Variants in CPEB1 observed in about 807,000 individuals in gnomAD.
CPEB1 encodes the protein cytoplasmic polyadenylation element-binding protein 1.
In CPEB1, 7 loss-of-function variants were observed where a neutral mutation model predicts 65.8. That is an observed-to-expected ratio of 0.11 (90% CI 0.06 to 0.20). CPEB1 has a LOEUF of 0.20. Ranked by LOEUF, CPEB1 falls within the 10% of genes least tolerant of loss-of-function variation. CPEB1 has a pLI of 1.00. For synonymous variants in CPEB1, 262 were observed against 260.0 expected (o/e 1.01, Z -0.08); for missense variants, 551 against 712.2 (o/e 0.77, Z 2.58).
chr15:82,559,381 A>G (rs955916315), intron 4 of CPEB1, among the ~76,000 whole-genome samples: 11 of 152,240 alleles, frequency 7.2e-5, no homozygotes, highest in South Asian at 2.1e-4. Flanking sequence ...AACTGTAGAT[A>G]TATCTATTTA....
intron 6 of CPEB1, among the ~76,000 whole-genome samples, chr15:82,554,554 T>A (rs1236575180): frequency 6.6e-6 from 1 of 152,182 alleles, no homozygotes; most frequent in Non-Finnish European, 1.5e-5. Context: ...GCCAGACTCA[T>A]CTTTATAGCA....
chr15:82,645,439 C>T (rs893723664), intron 1 of CPEB1, among the ~76,000 whole-genome samples: 1 of 152,020 alleles, frequency 6.6e-6, no homozygotes. Flanking sequence ...AGGCGTGAGT[C>T]ATGGGGCCGG....
chr15:82,606,085 G>C (rs919229198), intron 3 of CPEB1, among the ~76,000 whole-genome samples: 4 of 152,128 alleles, frequency 2.6e-5, no homozygotes, highest in African/African-American at 9.7e-5. Flanking sequence ...AAGAGGAGGA[G>C]AAAATAAAGC....
intron 4 of CPEB1, among the ~76,000 whole-genome samples, chr15:82,563,754 C>T (rs140880836): frequency 1.3e-5 from 2 of 151,990 alleles, no homozygotes; most frequent in African/African-American, 4.8e-5. Flanking sequence ...ATAGGAGGTT[C>T]TGGATAAAAA....
intron 3 of CPEB1, among the ~76,000 whole-genome samples, chr15:82,590,217 A>C (rs1451978911): frequency 4.1e-5 from 3 of 73,004 alleles, no homozygotes; most frequent in East Asian, 4.2e-4. Flanking sequence ...GACAAAAAAA[A>C]AAAAAAAAAA....
At chr15:82,595,603 A>G (rs564682881) in intron 3 of CPEB1, among the ~76,000 whole-genome samples, 1 of 152,356 alleles carries the variant, frequency 6.6e-6, no homozygotes, top group South Asian at 2.1e-4. Context: ...ATACTAAAAA[A>G]CAACTTACTG....
intron 3 of CPEB1, among the ~76,000 whole-genome samples, chr15:82,612,236 C>T (rs1268664135): frequency 6.6e-6 from 1 of 151,788 alleles, no homozygotes; most frequent in Non-Finnish European, 1.5e-5. Context: ...GTGGCTCATG[C>T]CTATAATCCC....
intron 10 of CPEB1, among the ~76,000 whole-genome samples, chr15:82,549,117 G>A (rs1391072415): frequency 2.0e-5 from 3 of 152,248 alleles, no homozygotes; most frequent in Non-Finnish European, 2.9e-5. Context: ...CAAGTTCAGA[G>A]AATTGCAGCC....
At chr15:82,586,558 G>C (rs1488821544) in intron 3 of CPEB1, among the ~76,000 whole-genome samples, 13 of 152,156 alleles carry the variant, frequency 8.5e-5, no homozygotes, top group Admixed American at 7.9e-4. Flanking sequence ...AGAACCAAAA[G>C]TTACCTAAGC....
chr15:82,647,869 A>T, upstream of CPEB1: 1 of 1,265,588 alleles, frequency 7.9e-7, no homozygotes, highest in Non-Finnish European at 9.9e-7. Context: ...CGGGAACGCC[A>T]TGGGGCCGGT....
intron 10 of CPEB1, 58 bp downstream of exon 10, chr15:82,549,402 A>G: frequency 1.9e-6 from 3 of 1,584,248 alleles, no homozygotes; most frequent in Non-Finnish European, 2.6e-6. Context: ...AAGTATCACA[A>G]TCTTGGTCTA....
chr15:82,588,793 C>T (rs1281901382), intron 3 of CPEB1, among the ~76,000 whole-genome samples: 4 of 152,116 alleles, frequency 2.6e-5, no homozygotes, highest in African/African-American at 4.8e-5. Context: ...TTTCTTTGTA[C>T]CCTTACCAAA....
chr15:82,647,927 G>C (rs2047717875), upstream of CPEB1: 5 of 1,216,956 alleles, frequency 4.1e-6, no homozygotes, highest in Non-Finnish European at 5.1e-6. Flanking sequence ...GCGGGCGAGA[G>C]ACGCGCACGC....
chr15:82,607,021 AG>A (rs1480221268), intron 3 of CPEB1, among the ~76,000 whole-genome samples: 2 of 152,098 alleles, frequency 1.3e-5, no homozygotes, highest in African/African-American at 4.8e-5. Context: ...TAAAGAGACA[AG>A]GAAATTAAAG....
intron 1 of CPEB1, chr15:82,638,030 T>C (rs536645029): frequency 6.7e-6 from 3 of 447,264 alleles, no homozygotes; most frequent in South Asian, 1.6e-5. Flanking sequence ...TGGTTTAATA[T>C]AAGATAGCGG....
chr15:82,575,861 TTATA>T (rs913318886), intron 3 of CPEB1, among the ~76,000 whole-genome samples: 3 of 152,162 alleles, frequency 2.0e-5, no homozygotes, highest in African/African-American at 7.2e-5. Context: ...ATGAAAACGC[TTATA>T]TATTTTCTTC....
chr15:82,648,295 A>C, upstream of CPEB1: 3 of 163,004 alleles, frequency 1.8e-5, no homozygotes, highest in Non-Finnish European at 2.7e-5. Context: ...ACGATTTACA[A>C]GCCCCTGCGA....
intron 3 of CPEB1, among the ~76,000 whole-genome samples, chr15:82,616,342 A>C (rs2044707002): frequency 6.6e-6 from 1 of 152,160 alleles, no homozygotes; most frequent in African/African-American, 2.4e-5. Flanking sequence ...AGAAGTATAA[A>C]AACACGGATG....
upstream of CPEB1, chr15:82,648,298 C>G (rs763746041): frequency 9.7e-5 from 16 of 165,782 alleles, no homozygotes; most frequent in Non-Finnish European, 1.7e-4. Flanking sequence ...ATTTACAAGC[C>G]CCTGCGAGCG....
Sources: gnomAD v4.1 joint callset for allele counts (sites outside exome capture counted in the v4.1 genomes callset) on GRCh38, gnomAD v4.1.1 for gene constraint, MANE v1.5 for transcripts, NCBI Gene and HGNC (gene_info 2026-07-23, HGNC 2026-07-21) for gene names.